Variants in PIN4 observed in about 807,000 individuals in gnomAD.
The protein encoded by PIN4 is peptidylprolyl cis/trans isomerase, NIMA-interacting 4.
In PIN4, 3 loss-of-function variants were observed where a neutral mutation model predicts 8.3. The observed-to-expected ratio is 0.36, with a 90% CI of 0.16 to 0.93. The LOEUF (loss-of-function observed/expected upper bound fraction) is 0.93, where lower values mean the gene tolerates loss of function less well. PIN4 is among the 40% of genes least tolerant of loss of function. The pLI is 0.44. For missense variants in PIN4, 75 were observed against 100.6 expected, an observed-to-expected ratio of 0.75 and a Z score of 1.09; for synonymous variants, 18 against 32.5, an observed-to-expected ratio of 0.55 and a Z score of 1.52.
Position 72,234,954 on chromosome X carries a change from G to A in PIN4, c.313-27753G>A, listed in dbSNP as rs191097670. ...TACTATGATTGCCAGGCAGCATGAA[G>A]GGCCTGCTTGACATCGATATTGATG... On this transcript the variant is annotated intron_variant, in intron 3 of 3. Coordinates refer to the PIN4 transcript ENST00000423432. Among the ~76,000 whole-genome samples the A allele has an allele frequency of 2.7e-5, 3 of 111,670 alleles. No homozygotes were observed. In the East Asian group the frequency reaches 8.4e-4, roughly 31 times the overall value.
exon 4 of PIN4, chrX:72,262,971 G>A (rs1287297874): frequency 2.4e-5 from 9 of 374,453 alleles, no homozygotes; most frequent in Admixed American, 9.0e-5. Flanking sequence ...GAACAGCAAG[G>A]AAACCAGACA....
chrX:72,182,298 T>G (rs767441394), intron 1 of PIN4, among the ~76,000 whole-genome samples: 3 of 111,320 alleles, frequency 2.7e-5, no homozygotes, highest in South Asian at 3.8e-4. Flanking sequence ...TCCCAGCACT[T>G]TGGGAGGCCG....
In PIN4 at chrX:72,206,095, C is replaced by T. The variant is rs146534560; in HGVS notation, c.312+9191C>T. On this transcript the variant is annotated intron_variant, in intron 3 of 3. Transcript: ENST00000423432. ...AATAATGGGCCAAGGATTGCAATGA[C>T]GTAAAATCTCATCATCCTTTAGTTG... The T allele has an allele frequency of 4.1e-6, 5 of 1,209,441 alleles. No homozygotes were observed. Among genetic ancestry groups the T allele is most frequent in the East Asian group, 3.0e-5 (1 of 33,764 alleles).
intron 3 of PIN4, among the ~76,000 whole-genome samples, chrX:72,258,524 TC>T (rs1471784104): frequency 9.0e-6 from 1 of 111,224 alleles, no homozygotes; most frequent in Non-Finnish European, 1.9e-5. Flanking sequence ...ACTCCCTTAC[TC>T]CTTGTACAAA....
At chrX:72,240,504 G>A (rs1224243484) in intron 3 of PIN4, among the ~76,000 whole-genome samples, 1 of 111,731 alleles carries the variant, frequency 9.0e-6, no homozygotes, top group Admixed American at 9.6e-5. Flanking sequence ...AGACCGTTAT[G>A]AGTTAAAAGG....
intron 3 of PIN4, among the ~76,000 whole-genome samples, chrX:72,260,933 G>C (rs752589644): frequency 4.2e-4 from 47 of 111,735 alleles, no homozygotes; most frequent in Non-Finnish European, 7.7e-4. Context: ...AGCCTTCCGC[G>C]GCCCTCTCTG....
At chrX:72,224,213 CTGT>C (rs2042941848) in intron 3 of PIN4, among the ~76,000 whole-genome samples, 1 of 111,420 alleles carries the variant, frequency 9.0e-6, no homozygotes, top group Non-Finnish European at 1.9e-5. Context: ...TCATAATTTT[CTGT>C]TGTTGGCATG....
intron 1 of PIN4, among the ~76,000 whole-genome samples, chrX:72,185,036 C>T (rs1043853675): frequency 1.0e-3 from 107 of 102,182 alleles, no homozygotes; most frequent in Non-Finnish European, 2.0e-3. Flanking sequence ...CCCAGCTACT[C>T]GGGAGGCTGA....
At chrX:72,212,275 A>T (rs192928132) in intron 3 of PIN4, among the ~76,000 whole-genome samples, 3,517 of 109,590 alleles carry the variant, frequency 0.032, 80 homozygotes, top group African/African-American at 0.084. Context: ...ATCTCAAAAA[A>T]AATAATAATA....
intron 3 of PIN4, among the ~76,000 whole-genome samples, chrX:72,251,018 G>T (rs2043084707): frequency 9.4e-6 from 1 of 106,559 alleles, no homozygotes; most frequent in Non-Finnish European, 1.9e-5. Context: ...GGGATTACAG[G>T]CATGAGCCAC....
At chrX:72,192,113 G>A (rs1221813842) in intron 2 of PIN4, among the ~76,000 whole-genome samples, 3 of 110,220 alleles carry the variant, frequency 2.7e-5, no homozygotes, top group South Asian at 3.9e-4. Flanking sequence ...CACCACTCCC[G>A]GCTAATTGTT....
chrX:72,183,161 C>G (rs1321513261), intron 1 of PIN4, among the ~76,000 whole-genome samples: 1 of 111,694 alleles, frequency 9.0e-6, no homozygotes, highest in Admixed American at 9.5e-5. Context: ...TAACCTGTTG[C>G]TGGTCCTGCA....
At chrX:72,210,607 A>C (rs991297707) in intron 3 of PIN4, among the ~76,000 whole-genome samples, 3 of 111,486 alleles carry the variant, frequency 2.7e-5, no homozygotes, top group Admixed American at 9.6e-5. Flanking sequence ...TTTCCCAGAG[A>C]CTAAAGTGCT....
At chrX:72,236,359 C>T (rs748989120) in intron 3 of PIN4, among the ~76,000 whole-genome samples, 1 of 111,250 alleles carries the variant, frequency 9.0e-6, no homozygotes, top group African/African-American at 3.3e-5. Context: ...AGTGCAGTGG[C>T]GCCATCTCAG....
chrX:72,248,143 A>G (rs1051903017), intron 3 of PIN4, among the ~76,000 whole-genome samples: 1 of 109,879 alleles, frequency 9.1e-6, no homozygotes, highest in African/African-American at 3.3e-5. Context: ...AGCAGGTTCA[A>G]TGAGTGTCCT....
At chrX:72,216,426 T>G (rs1012934298) in intron 3 of PIN4, among the ~76,000 whole-genome samples, 1 of 112,067 alleles carries the variant, frequency 8.9e-6, no homozygotes, top group Non-Finnish European at 1.9e-5. Context: ...TTTAAAAAAA[T>G]GTGGTAAAAT....
intron 3 of PIN4, among the ~76,000 whole-genome samples, chrX:72,246,467 C>T (rs774034370): frequency 9.0e-6 from 1 of 111,386 alleles, no homozygotes; most frequent in Non-Finnish European, 1.9e-5. Context: ...AAATACCAAA[C>T]TGATCATGCC....
intron 3 of PIN4, among the ~76,000 whole-genome samples, chrX:72,228,248 A>G (rs1394287304): frequency 8.9e-6 from 1 of 112,428 alleles, no homozygotes; most frequent in Non-Finnish European, 1.9e-5. Flanking sequence ...CTCTTTCTGC[A>G]GAAAGTAAAA....
intron 3 of PIN4, among the ~76,000 whole-genome samples, chrX:72,231,455 T>A (rs1425254542): frequency 1.8e-5 from 2 of 111,717 alleles, no homozygotes; most frequent in African/African-American, 6.5e-5. Flanking sequence ...GTACAAAGTT[T>A]CAGTTAAACA....
Sources: allele counts gnomAD v4.1 joint callset (sites outside exome capture counted in the v4.1 genomes callset), GRCh38; gene constraint gnomAD v4.1.1; transcripts MANE v1.5; gene names NCBI Gene and HGNC (gene_info 2026-07-23, HGNC 2026-07-21).